Variants in NPAT observed in about 807,000 individuals in gnomAD.
NPAT encodes the protein nuclear protein, coactivator of histone transcription.
NPAT carries 52 observed loss-of-function variants against 130.7 expected under a neutral mutation model. The ratio of observed to expected loss-of-function variants is 0.40; its 90% CI spans 0.32 to 0.50. NPAT has a LOEUF of 0.50. Ranked by LOEUF, NPAT falls within the 20% of genes least tolerant of loss-of-function variation. NPAT has a pLI of 0.68. For missense variants in NPAT, 1,687 were observed against 1,662.6 expected (o/e 1.01, Z -0.26); for synonymous variants, 580 against 584.8 (o/e 0.99, Z 0.12).
In NPAT at chr11:108,173,751, T is replaced by C. The variant is rs1241084709; in HGVS notation, c.1233A>G (p.Glu411=). ...TTATTTGGGAAAAATTTTCCTGGTC[T>C]TCTTGTCTAAGCACATCATGGTTGT... ...NSNNHDVLRQ[E]DQENFSQIST... Residue 411 remains glutamate (E), a synonymous_variant, in exon 13 of 18, where the codon GAA becomes GAG. Transcript: ENST00000278612. 3 of 1,614,168 alleles carry C rather than the reference T, an allele frequency of 1.9e-6. No individual in the cohort carries two copies. In the Admixed American group the frequency reaches 5.0e-5, roughly 27 times the overall value.
intron 4 of NPAT, among the ~76,000 whole-genome samples, chr11:108,190,800 T>C (rs528790427): frequency 2.0e-5 from 3 of 152,290 alleles, no homozygotes; most frequent in African/African-American, 7.2e-5. Flanking sequence ...GGGCTGGGTA[T>C]GGTGGTTCAT....
intron 12 of NPAT, among the ~76,000 whole-genome samples, chr11:108,174,903 G>A (rs570703148): frequency 1.8e-4 from 27 of 152,192 alleles, no homozygotes; most frequent in Non-Finnish European, 3.2e-4. Context: ...ACAGGCATAA[G>A]CCACTGTGCC....
At chr11:108,193,921 T>C in intron 3 of NPAT, 36 bp downstream of exon 3, 1 of 1,201,418 alleles carries the variant, frequency 8.3e-7, no homozygotes, top group Non-Finnish European at 1.2e-6. Flanking sequence ...AAATATTGTA[T>C]ACATCAGCAA....
Position 108,186,491 on chromosome 11 carries a change from T to G in NPAT, c.717A>C (p.Ala239=), listed in dbSNP as rs1303087959. The G allele has an allele frequency of 3.7e-6, 6 of 1,613,730 alleles. No individual in the cohort carries two copies. The African/African-American group carries it at 8.0e-5, about 22-fold the overall frequency. The change falls in exon 8 of 18, where the codon GCA becomes GCC. Residue 239 remains alanine, a synonymous_variant. Transcript: ENST00000278612. The part of the protein sequence containing the change: ...IRNFQDPNAF[A]VEKQMVIENA... Reference sequence around the variant, plus strand: ...TGGCAGAGTCACTTACTTTTTCTACTGCAAAAGCGTTTGGATCTTGGAAAT... The same window carrying G: ...TGGCAGAGTCACTTACTTTTTCTACGGCAAAAGCGTTTGGATCTTGGAAAT...
Position 108,172,828 on chromosome 11 carries a change from T to G in NPAT, c.2156A>C (p.Asn719Thr). 1 of 1,613,880 alleles carries G rather than the reference T, an allele frequency of 6.2e-7. No homozygotes were observed. The highest frequency in any genetic ancestry group is 8.5e-7 in the Non-Finnish European group (1 of 1,180,032). The change falls in exon 13 of 18, where the codon AAT becomes ACT. Residue 719 changes from asparagine (N) to threonine (T), a missense_variant. Coordinates refer to ENST00000278612, the MANE Select transcript of NPAT (RefSeq NM_002519.3). ...SVGDSHPESQNTDDKPSSNNS... is the reference protein window; with the variant it reads ...SVGDSHPESQTTDDKPSSNNS... ...GTTGCTAGAAGGTTTATCATCAGTA[T>G]TTTGGGACTCAGGGTGAGAATCTCC...
chr11:108,177,255 A>G (rs1519074), intron 10 of NPAT, among the ~76,000 whole-genome samples, 165 bp from the exon 11 acceptor site: 16,291 of 152,102 alleles, frequency 0.11, 1,210 homozygotes, highest in Non-Finnish European at 0.14. Flanking sequence ...CCTGGGCTCA[A>G]CTGATGCTCC....
chr11:108,218,827 G>C (rs1310760102), intron 1 of NPAT, among the ~76,000 whole-genome samples: 4 of 152,172 alleles, frequency 2.6e-5, no homozygotes, highest in Non-Finnish European at 4.4e-5. Flanking sequence ...TTTATGAAGG[G>C]TAACAGTTGG....
chr11:108,161,187 C>T lies in NPAT; in HGVS notation c.3899G>A (p.Ser1300Asn). ...AGGAGGGACCATTACTTTTGATGTA[C>T]TACTGTCTTCACTGAAACGCCTACT... ...PSSRRFSEDS[S>N]TSKVMVPPVT... The change falls in exon 17 of 18, where the codon AGT becomes AAT. Residue 1300 changes from serine (S) to asparagine (N), a missense_variant. Ser to Asn is a conservative substitution (Grantham distance 46). Around this residue, in one of 3 missense-constraint regions of NPAT, gnomAD observed 1,379 missense variants for 1,346.6 expected, o/e 1.02. Coordinates refer to ENST00000278612, the MANE Select transcript of NPAT (RefSeq NM_002519.3). 6.2e-7 allele frequency: 1 copy of T among 1,614,116 alleles called. No individual in the cohort carries two copies. The highest frequency in any genetic ancestry group is 8.5e-7 in the Non-Finnish European group (1 of 1,180,026).
At chr11:108,189,825 G>A (rs1211310648) in intron 5 of NPAT, among the ~76,000 whole-genome samples, 3 of 146,322 alleles carry the variant, frequency 2.1e-5, no homozygotes, top group Admixed American at 1.4e-4. Flanking sequence ...AGCCGAGATC[G>A]CGCCACTGCA....
chr11:108,197,481 C>T, intron 1 of NPAT, 61 bp from the exon 2 acceptor site: 2 of 1,054,448 alleles, frequency 1.9e-6, no homozygotes, highest in Non-Finnish European at 3.0e-6. Flanking sequence ...GTTAAAACTG[C>T]TATTGAAAAT....
chr11:108,174,270 C>T (rs953203351), intron 12 of NPAT, among the ~76,000 whole-genome samples: 1 of 152,104 alleles, frequency 6.6e-6, no homozygotes, highest in African/African-American at 2.4e-5. Flanking sequence ...GCCACCACAC[C>T]CAACTTATCT....
intron 3 of NPAT, among the ~76,000 whole-genome samples, chr11:108,193,046 T>C (rs909722510): frequency 1.3e-5 from 2 of 152,160 alleles, no homozygotes; most frequent in African/African-American, 4.8e-5. Context: ...TGTCAAAAAA[T>C]GTCAAGCTTC....
At chr11:108,205,083 A>G (rs147536507) in intron 1 of NPAT, among the ~76,000 whole-genome samples, 1 of 152,316 alleles carries the variant, frequency 6.6e-6, no homozygotes, top group Non-Finnish European at 1.5e-5. Flanking sequence ...TACAAAGACA[A>G]ACAAAATCGT....
rs192893789 is a variant in NPAT at position 108,173,202 on chromosome 11, A to G, written c.1782T>C (p.Asn594=). ...TTTGAAGACAAGAATTATCTTGGCAATTTGATAGCTGTGACATAACTGGTT... is the reference window on the plus strand; with the variant it reads ...TTTGAAGACAAGAATTATCTTGGCAGTTTGATAGCTGTGACATAACTGGTT... The part of the protein sequence containing the change: ...VLEPVMSQLS[N]CQDNSCLQSE... Residue 594 remains asparagine (N), a synonymous_variant, in exon 13 of 18, where the codon AAT becomes AAC. Coordinates refer to ENST00000278612, the MANE Select transcript of NPAT (RefSeq NM_002519.3). 41 of 1,613,782 alleles carry G rather than the reference A, an allele frequency of 2.5e-5. 1 individual carries two copies. The highest frequency in any genetic ancestry group is 2.3e-4 in the African/African-American group (17 of 75,066).
Position 108,173,390 on chromosome 11 carries a change from G to A in NPAT, c.1594C>T (p.Gln532Ter), listed in dbSNP as rs770228540. Residue 532 changes from glutamine to a stop codon, truncating the protein, a stop_gained, in exon 13 of 18, where the codon CAA (glutamine) becomes TAA (stop). Transcript: ENST00000278612. LOFTEE classifies it high-confidence loss of function. ...AATGAAGTATCTTGGGATAAAAGTT[G>A]AGAACTCTTCCCAGAGAGAATTAAG... ...ENLILSGKSSQLLSQDTSLTG... is the reference protein window; with the variant it reads ...ENLILSGKSS 1 of 1,613,946 alleles carries A rather than the reference G, an allele frequency of 6.2e-7. No homozygotes were observed. Among genetic ancestry groups the A allele is most frequent in the Non-Finnish European group, 8.5e-7 (1 of 1,179,866 alleles).
At position 108,188,241 on chromosome 11, in the gene NPAT, T is replaced by C. The variant is rs559451892; in HGVS notation, c.557-62A>G. On this transcript the variant is annotated intron_variant, in intron 6 of 17. Coordinates refer to ENST00000278612, the MANE Select transcript of NPAT (RefSeq NM_002519.3). ...ACTGAATAGTTTTCTAAACTTGTAA[T>C]GGGATAAAAAGCATTAGTGATTATT... 8.7e-5 allele frequency: 106 copies of C among 1,220,000 alleles called. No individual in the cohort carries two copies. In the East Asian group the frequency reaches 1.2e-3, roughly 14 times the overall value. 75.6% of individuals were successfully genotyped at this position (1,220,000 alleles called of 1,614,324 possible). A position where few individuals can be genotyped will look rare whatever the true frequency, so the allele number is the denominator to read the frequency against.
rs1050558885 is a variant in NPAT, at chr11:108,169,918, T to C, written c.2901+10A>G. 1.9e-6 allele frequency: 3 copies of C among 1,612,148 alleles called. No homozygotes were observed. The highest frequency in any genetic ancestry group is 2.5e-6 in the Non-Finnish European group (3 of 1,178,228). On this transcript the variant is annotated intron_variant, in intron 14 of 17. Coordinates refer to ENST00000278612, the MANE Select transcript of NPAT (RefSeq NM_002519.3). ...GCATCACCACACCATTTTCAGTTCA[T>C]AAATCTTACCTGCCGAGGAGGAGTA...
At chr11:108,198,718 C>T (rs79887393) in intron 1 of NPAT, among the ~76,000 whole-genome samples, 15 of 152,272 alleles carry the variant, frequency 9.9e-5, no homozygotes, top group Non-Finnish European at 1.9e-4. Flanking sequence ...CATTCTGAGC[C>T]CATGAAAACC....
In NPAT at chr11:108,169,849, G is replaced by A. The variant is rs1345217132; in HGVS notation, c.2905C>T (p.Leu969Phe). 6.2e-7 allele frequency: 1 copy of A among 1,613,380 alleles called. No individual in the cohort carries two copies. Among genetic ancestry groups the A allele is most frequent in the Non-Finnish European group, 8.5e-7 (1 of 1,179,364 alleles). The change falls in exon 15 of 18, where the codon CTT becomes TTT. Residue 969 changes from leucine to phenylalanine, a missense_variant. Leu to Phe is a conservative substitution (Grantham distance 22, BLOSUM62 0). Coordinates refer to ENST00000278612, the MANE Select transcript of NPAT (RefSeq NM_002519.3). ...NNFSTPPRQV[L>F]HMPLTAPVCN... ...ACAGGTGCTGTCAAAGGCATATGAA[G>A]AACCTGGAAGAGAAAAAGCCATTAA...
Sources: allele counts gnomAD v4.1 joint callset (sites outside exome capture counted in the v4.1 genomes callset), GRCh38; gene constraint gnomAD v4.1.1; regional missense constraint gnomAD v4.1.1; transcripts MANE v1.5; gene names NCBI Gene and HGNC (gene_info 2026-07-23, HGNC 2026-07-21).